Variants in PAQR5 observed in about 807,000 individuals in gnomAD.
PAQR5 encodes membrane progestin receptor gamma.
A neutral mutation model predicts 34.5 loss-of-function variants in PAQR5; 20 were observed. That is an observed-to-expected ratio of 0.58 (90% CI 0.41 to 0.84). The LOEUF is 0.84. PAQR5 is among the 40% of genes least tolerant of loss of function. The pLI is 0.00. For synonymous variants in PAQR5, 131 were observed against 155.6 expected, an observed-to-expected ratio of 0.84 and a Z score of 1.18; for missense variants, 378 against 412.7, an observed-to-expected ratio of 0.92 and a Z score of 0.73.
At chr15:69,302,278 G>A (rs143702280) in intron 1 of PAQR5, among the ~76,000 whole-genome samples, 1 of 152,048 alleles carries the variant, frequency 6.6e-6, no homozygotes, top group South Asian at 2.1e-4. Flanking sequence ...TCACTATGTT[G>A]CCCAGGCTGC....
intron 1 of PAQR5, among the ~76,000 whole-genome samples, chr15:69,330,139 C>T (rs2054346403): frequency 6.6e-6 from 1 of 152,180 alleles, no homozygotes; most frequent in East Asian, 1.9e-4. Flanking sequence ...CTTCATAGAA[C>T]ATTCTCCAAG....
chr15:69,335,854 G>C (rs916079347), intron 1 of PAQR5, among the ~76,000 whole-genome samples: 2 of 152,070 alleles, frequency 1.3e-5, no homozygotes, highest in African/African-American at 4.8e-5. Flanking sequence ...TTACCTTATG[G>C]TCAGACTAAT....
At chr15:69,326,188 T>C (rs531302956) in intron 1 of PAQR5, among the ~76,000 whole-genome samples, 1 of 152,272 alleles carries the variant, frequency 6.6e-6, no homozygotes, top group East Asian at 1.9e-4. Flanking sequence ...CAGCCAAATT[T>C]GCCTGTTTCT....
chr15:69,304,369 C>T (rs1370347005), intron 1 of PAQR5, among the ~76,000 whole-genome samples: 1 of 152,220 alleles, frequency 6.6e-6, no homozygotes, highest in Non-Finnish European at 1.5e-5. Flanking sequence ...AATGGGATTG[C>T]ACCGTCAGCT....
intron 1 of PAQR5, among the ~76,000 whole-genome samples, chr15:69,318,306 C>G (rs912811339): frequency 1.3e-5 from 2 of 152,200 alleles, no homozygotes. Flanking sequence ...GCAGCTTGTT[C>G]GAAGCACAAG....
intron 1 of PAQR5, among the ~76,000 whole-genome samples, chr15:69,302,427 C>CA (rs2053626481): frequency 6.6e-6 from 1 of 152,030 alleles, no homozygotes; most frequent in South Asian, 2.1e-4. Context: ...GGGGAGGGGA[C>CA]ACCCCACCAT....
intron 1 of PAQR5, among the ~76,000 whole-genome samples, chr15:69,311,625 C>T (rs996847945): frequency 6.6e-5 from 10 of 152,156 alleles, no homozygotes; most frequent in Admixed American, 4.6e-4. Flanking sequence ...ACAGCCTCTA[C>T]GCCCCAGTGC....
chr15:69,369,549 A>G (rs1190039293), intron 3 of PAQR5, among the ~76,000 whole-genome samples: 3 of 151,192 alleles, frequency 2.0e-5, no homozygotes, highest in Non-Finnish European at 2.9e-5. Context: ...TTAAAAAAAA[A>G]AAAAAGTAGA....
intron 1 of PAQR5, among the ~76,000 whole-genome samples, chr15:69,315,639 G>C (rs1405809773): frequency 1.3e-5 from 2 of 152,188 alleles, no homozygotes; most frequent in Non-Finnish European, 2.9e-5. Context: ...ACCTTGACTG[G>C]CACTTTCCAC....
chr15:69,403,934 G>T lies in PAQR5; in HGVS notation c.*112G>T. 8.7e-7 allele frequency: 1 copy of T among 1,152,624 alleles called. No individual in the cohort carries two copies. The highest frequency in any genetic ancestry group is 1.2e-6 in the Non-Finnish European group (1 of 817,054). The allele number at this position is 1,152,624 out of a possible 1,614,324, so 71.4% of individuals were successfully genotyped here. ...ATGGCCTAAAATATTCATAATGGTT[G>T]GTGTCTTTTGAATGAATTCATGTCA... On this transcript the variant is annotated 3_prime_UTR_variant, in exon 9 of 9. Transcript: ENST00000395407.
At position 69,397,535 on chromosome 15, in the gene PAQR5, A is replaced by G. The variant is rs1011937292; in HGVS notation, c.580A>G (p.Thr194Ala). 9 of 1,612,416 alleles carry G rather than the reference A, an allele frequency of 5.6e-6. No homozygotes were observed. The African/African-American group carries it at 1.2e-4, about 22-fold the overall frequency. ...TGTCCTCGCCTTTGCTTATCCGTAC[A>G]CCTGGGACTCCCTCCCCATCTTCTA... ...IRVLAFAYPY[T>A]WDSLPIFYRL... Residue 194 changes from threonine to alanine, a missense_variant, in exon 7 of 9, where the codon ACC (threonine) becomes GCC (alanine). Thr to Ala is a moderately conservative substitution (Grantham distance 58, BLOSUM62 0). Coordinates refer to ENST00000395407, the MANE Select transcript of PAQR5 (RefSeq NM_017705.4).
intron 8 of PAQR5, among the ~76,000 whole-genome samples, chr15:69,403,203 T>C (rs1280440575): frequency 6.6e-6 from 1 of 152,266 alleles, no homozygotes; most frequent in African/African-American, 2.4e-5. Flanking sequence ...TTTTCTCTGA[T>C]GGGCCTTTTA....
chr15:69,322,769 A>T lies in PAQR5; in HGVS notation c.-276-14572A>T, dbSNP rs867861308. Among the ~76,000 whole-genome samples, 261 of 29,606 alleles carry T rather than the reference A, an allele frequency of 8.8e-3. 57 individuals carry two copies. The highest frequency in any genetic ancestry group is 0.015 in the Middle Eastern group (1 of 66). The allele number at this position is 29,606 out of a possible 152,430, so 19.4% of individuals were successfully genotyped here. ...AAGAAGAAGAAGAAGAAGAAGAAGA[A>T]GAGGGAGAAGAAGAAGACGAGGAAG... On this transcript the variant is annotated intron_variant, in intron 1 of 8. Transcript: ENST00000395407.
At chr15:69,377,575 G>A (rs993127989) in intron 3 of PAQR5, among the ~76,000 whole-genome samples, 1 of 152,206 alleles carries the variant, frequency 6.6e-6, no homozygotes, top group Non-Finnish European at 1.5e-5. Flanking sequence ...TAGTTGAGCA[G>A]TTCAACCCAG....
chr15:69,400,111 C>T lies in PAQR5; in HGVS notation c.747C>T (p.Tyr249=), dbSNP rs1164239714. 1.2e-6 allele frequency: 2 copies of T among 1,612,064 alleles called. No individual in the cohort carries two copies. Among genetic ancestry groups the T allele is most frequent in the Admixed American group, 3.3e-5 (2 of 59,732 alleles). Residue 249 remains tyrosine, a synonymous_variant, in exon 8 of 9, where the codon TAC becomes TAT. Coordinates refer to ENST00000395407, the MANE Select transcript of PAQR5 (RefSeq NM_017705.4). The part of the protein sequence containing the change: ...PERLAPGRFD[Y]IGHSHQLFHV... ...GCCTAGCCCCTGGACGCTTTGACTA[C>T]ATCGGTGAGTGGGCAACAGCCCTGC...
intron 1 of PAQR5, among the ~76,000 whole-genome samples, chr15:69,324,089 G>T (rs796659899): frequency 1.4e-5 from 2 of 142,710 alleles, no homozygotes; most frequent in South Asian, 2.2e-4. Flanking sequence ...TGTAATAATC[G>T]TCTAGCAGTA....
chr15:69,318,608 TG>T, intron 1 of PAQR5, among the ~76,000 whole-genome samples: 1 of 152,056 alleles, frequency 6.6e-6, no homozygotes, highest in Non-Finnish European at 1.5e-5. Flanking sequence ...TCCTTCTTCT[TG>T]GGGCACCTGC....
chr15:69,376,180 G>A (rs1379103198), intron 3 of PAQR5, among the ~76,000 whole-genome samples: 1 of 152,188 alleles, frequency 6.6e-6, no homozygotes, highest in Non-Finnish European at 1.5e-5. Context: ...GCAAGGTGGA[G>A]TCCTACAAAT....
Position 69,382,659 on chromosome 15 carries a change from CATATATATATATATATATATATAT to C in PAQR5, c.180-1995_180-1972del, listed in dbSNP as rs59064870. Among the ~76,000 whole-genome samples, 34 of 91,258 alleles carry C rather than the reference CATATATATATATATATATATATAT, an allele frequency of 3.7e-4. 3 individuals are homozygous for C. The highest frequency in any genetic ancestry group is 1.0e-3 in the East Asian group (3 of 2,978). 59.9% of individuals were successfully genotyped at this position (91,258 alleles called of 152,430 possible). A position where few individuals can be genotyped will look rare whatever the true frequency, so the allele number is the denominator to read the frequency against. On this transcript the variant is annotated intron_variant, in intron 4 of 8. Coordinates refer to ENST00000395407, the MANE Select transcript of PAQR5 (RefSeq NM_017705.4). ...ACTCTGTCTCAAAAAAAAAAAAAAGCATATATATATATATATATATATATATATATATATATATATATATATGTA... is the reference window on the plus strand; with the variant it reads ...ACTCTGTCTCAAAAAAAAAAAAAAGCATATATATATATATATATATATGTA...
Sources: allele counts gnomAD v4.1 joint callset (sites outside exome capture counted in the v4.1 genomes callset), GRCh38; gene constraint gnomAD v4.1.1; transcripts MANE v1.5; gene names NCBI Gene and HGNC (gene_info 2026-07-23, HGNC 2026-07-21).